MSMB: variants seen among roughly 807,000 people sequenced by gnomAD.
MSMB encodes microseminoprotein beta, also known as beta-microseminoprotein.
MSMB carries 10 observed loss-of-function variants against 10.5 expected under a neutral mutation model. That is an observed-to-expected ratio of 0.95 (90% CI 0.59 to 1.62). The LOEUF (loss-of-function observed/expected upper bound fraction) is 1.62, where lower values mean the gene tolerates loss of function less well. Ranked by LOEUF, MSMB falls within the 40% of genes most tolerant of loss-of-function variation. The pLI, the probability that MSMB is intolerant of heterozygous loss-of-function variation, is 0.00. For missense variants in MSMB, 126 were observed against 137.4 expected (o/e 0.92, Z 0.42); for synonymous variants, 43 against 46.5 (o/e 0.93, Z 0.30).
chr10:46,039,969 G>A lies in MSMB; in HGVS notation c.109+17C>T, dbSNP rs1554928203. The A allele has an allele frequency of 5.6e-6, 9 of 1,593,576 alleles. No individual in the cohort carries two copies. The highest frequency in any genetic ancestry group is 7.7e-6 in the Non-Finnish European group (9 of 1,161,796). On this transcript the variant is annotated intron_variant, in intron 2 of 3. Transcript: ENST00000582163. ...AGGCTGCAATAACATAATAAACATT[G>A]AAAAGCCAAGACTTACTCCTGGTTG... is the stretch of plus-strand genomic sequence containing the variant.
intron 2 of MSMB, 129 bp downstream of exon 2, chr10:46,039,857 G>C: frequency 1.5e-6 from 1 of 674,550 alleles, no homozygotes; most frequent in Admixed American, 2.6e-5. Context: ...ACTCCAGCCT[G>C]GGAGACAGAG....
chr10:46,033,695 G>A (rs782607864), intron 3 of MSMB, 144 bp from the exon 4 acceptor site: 110 of 1,154,600 alleles, frequency 9.5e-5, no homozygotes, highest in Non-Finnish European at 1.2e-4. Context: ...TGACCTCCAG[G>A]AACCTGGACC....
chr10:46,039,160 A>G (rs901689514), intron 2 of MSMB, 89 bp from the exon 3 acceptor site: 16 of 1,094,310 alleles, frequency 1.5e-5, no homozygotes, highest in Non-Finnish European at 2.8e-6. Context: ...TACTATCTAC[A>G]CCCCTCCCAG....
chr10:46,041,092 C>T (rs1840738659), intron 1 of MSMB, among the ~76,000 whole-genome samples: 2 of 152,168 alleles, frequency 1.3e-5, no homozygotes, highest in Non-Finnish European at 2.9e-5. Flanking sequence ...GCCTGTAATC[C>T]TAGCACTTTG....
intron 1 of MSMB, among the ~76,000 whole-genome samples, chr10:46,040,725 C>A (rs185526524): frequency 1.8e-3 from 275 of 152,058 alleles, no homozygotes; most frequent in African/African-American, 6.5e-3. Context: ...GAGGCCAAGG[C>A]GGGTGGATCA....
At chr10:46,036,044 G>A (rs782004119) in intron 3 of MSMB, among the ~76,000 whole-genome samples, 1 of 152,140 alleles carries the variant, frequency 6.6e-6, no homozygotes, top group Admixed American at 6.5e-5. Flanking sequence ...TGTCAACATC[G>A]GGTATTCAGC....
chr10:46,038,188 G>A (rs530475421), intron 3 of MSMB, among the ~76,000 whole-genome samples: 1 of 152,238 alleles, frequency 6.6e-6, no homozygotes, highest in East Asian at 1.9e-4. Context: ...TTCTGGAGGT[G>A]GATGGTAGTG....
At chr10:46,042,743 T>C (rs74131198) in intron 1 of MSMB, among the ~76,000 whole-genome samples, 5,294 of 152,236 alleles carry the variant, frequency 0.035, 325 homozygotes, top group African/African-American at 0.12. Flanking sequence ...ACATGAGCAA[T>C]TGATCACCAC....
At chr10:46,046,198 G>A (rs782387288) in intron 1 of MSMB, 37 bp downstream of exon 1, 1 of 1,595,230 alleles carries the variant, frequency 6.3e-7, no homozygotes, top group Admixed American at 1.7e-5. Flanking sequence ...ATTCTCTTTT[G>A]CTTTTCTAGC....
intron 1 of MSMB, among the ~76,000 whole-genome samples, chr10:46,045,482 A>C (rs1243874327): frequency 1.3e-5 from 2 of 152,050 alleles, no homozygotes; most frequent in African/African-American, 4.8e-5. Flanking sequence ...GCAGTGAATC[A>C]TGACTGCACC....
chr10:46,038,885 T>C (rs544461538), intron 3 of MSMB, 81 bp downstream of exon 3: 47 of 1,214,084 alleles, frequency 3.9e-5, no homozygotes, highest in Middle Eastern at 1.9e-4. Flanking sequence ...CCCCTGAAGA[T>C]TGGAATTTTG....
At chr10:46,036,562 T>C (rs1840610979) in intron 3 of MSMB, among the ~76,000 whole-genome samples, 2 of 152,214 alleles carry the variant, frequency 1.3e-5, no homozygotes, top group African/African-American at 4.8e-5. Flanking sequence ...CAGAATCTCA[T>C]TTAATTATCA....
chr10:46,045,673 C>G (rs781976970), intron 1 of MSMB, among the ~76,000 whole-genome samples: 5 of 152,182 alleles, frequency 3.3e-5, no homozygotes, highest in Non-Finnish European at 5.9e-5. Flanking sequence ...AATTGATGCT[C>G]TGTTCTCACT....
At chr10:46,044,928 C>G (rs1400592806) in intron 1 of MSMB, among the ~76,000 whole-genome samples, 1 of 152,148 alleles carries the variant, frequency 6.6e-6, no homozygotes, top group Non-Finnish European at 1.5e-5. Flanking sequence ...GCTGGAGGAG[C>G]CTGTCTAGTG....
chr10:46,038,870 C>T, intron 3 of MSMB, 96 bp downstream of exon 3: 1 of 1,038,966 alleles, frequency 9.6e-7, no homozygotes, highest in Non-Finnish European at 1.5e-6. Context: ...AAAACAAAAA[C>T]TAAACCCCTG....
intron 3 of MSMB, among the ~76,000 whole-genome samples, chr10:46,037,689 C>T (rs1840641437): frequency 6.6e-6 from 1 of 152,186 alleles, no homozygotes; most frequent in South Asian, 2.1e-4. Flanking sequence ...ATGCTCAGAG[C>T]CACTGCTATT....
rs782013901 is a variant in MSMB at position 46,038,962 on chromosome 10, T to C, written c.215+4A>G. The C allele has an allele frequency of 2.5e-6, 4 of 1,613,008 alleles. No homozygotes were observed. Among genetic ancestry groups the C allele is most frequent in the Non-Finnish European group, 3.4e-6 (4 of 1,179,216 alleles). On this transcript the variant is annotated splice_donor_region_variant and intron_variant, in intron 3 of 3. Coordinates refer to ENST00000582163, the MANE Select transcript of MSMB (RefSeq NM_002443.4). The stretch of plus-strand genomic sequence containing the variant: ...CTCTTGGCCAGCACTGGCTTGAGAC[T>C]TACAGGGTGCAACATGAAATTTCTG...
chr10:46,041,902 A>G (rs1840762461), intron 1 of MSMB, among the ~76,000 whole-genome samples: 1 of 152,086 alleles, frequency 6.6e-6, no homozygotes, highest in Admixed American at 6.5e-5. Flanking sequence ...GTATAAATAT[A>G]TGTAGAAGTT....
chr10:46,033,948 A>C (rs1473593215), intron 3 of MSMB, among the ~76,000 whole-genome samples: 1 of 152,206 alleles, frequency 6.6e-6, no homozygotes, highest in Non-Finnish European at 1.5e-5. Context: ...AGCTCTCTCA[A>C]CCAACCAGAG....
Sources: allele counts gnomAD v4.1 joint callset (sites outside exome capture counted in the v4.1 genomes callset), GRCh38; gene constraint gnomAD v4.1.1; transcripts MANE v1.5; gene names NCBI Gene and HGNC (gene_info 2026-07-23, HGNC 2026-07-21).